The following ZMYND8 variants were observed in gnomAD, a reference collection of about 807,000 sequenced individuals.
ZMYND8 encodes zinc finger MYND-type containing 8, also known as MYND-type zinc finger-containing chromatin reader ZMYND8.
Under a neutral mutation model 140.8 loss-of-function variants are expected in ZMYND8, and 37 were observed. The observed-to-expected ratio is 0.26, with a 90% CI of 0.20 to 0.35. ZMYND8 has a LOEUF of 0.35. Among genes scored for constraint, ZMYND8 ranks in the 10% least tolerant of loss-of-function variants. ZMYND8 has a pLI of 1.00. For synonymous variants in ZMYND8, 592 were observed against 597.1 expected (o/e 0.99, Z 0.12); for missense variants, 1,068 against 1,570.0 (o/e 0.68, Z 5.40).
chr20:47,327,555 C>G (rs534944694), intron 2 of ZMYND8, among the ~76,000 whole-genome samples: 1 of 151,962 alleles, frequency 6.6e-6, no homozygotes, highest in Admixed American at 6.5e-5. Context: ...ACTTGGGAGG[C>G]TGAGGCAGGA....
chr20:47,311,200 G>A (rs896726385), intron 2 of ZMYND8, among the ~76,000 whole-genome samples: 12 of 152,092 alleles, frequency 7.9e-5, no homozygotes, highest in African/African-American at 1.7e-4. Flanking sequence ...TCTGGGCCTC[G>A]TGTTTGAGAC....
In ZMYND8 at chr20:47,332,541, C is replaced by T. The variant is rs542254696; in HGVS notation, c.85+15315G>A. Among the ~76,000 whole-genome samples, 4 of 151,800 alleles carry T rather than the reference C, an allele frequency of 2.6e-5. No individual in the cohort carries two copies. In the Middle Eastern group the frequency reaches 0.01, roughly 387 times the overall value. Reference sequence around the variant, plus strand: ...CCTGGGCAACATAGCAAGACTCTGTCGCTACAAAAAATTAAAGAATTAGTC... The same window carrying T: ...CCTGGGCAACATAGCAAGACTCTGTTGCTACAAAAAATTAAAGAATTAGTC... On this transcript the variant is annotated intron_variant, in intron 2 of 22. Coordinates refer to ENST00000471951, the MANE Select transcript of ZMYND8 (RefSeq NM_001281775.3).
chr20:47,323,821 T>C (rs1378763680), intron 2 of ZMYND8, among the ~76,000 whole-genome samples: 2 of 152,154 alleles, frequency 1.3e-5, no homozygotes, highest in Non-Finnish European at 2.9e-5. Flanking sequence ...AGAGAGCTGG[T>C]CCTGGCTCAC....
intron 2 of ZMYND8, among the ~76,000 whole-genome samples, chr20:47,326,247 C>G (rs1411009638): frequency 1.3e-5 from 2 of 152,178 alleles, no homozygotes; most frequent in Admixed American, 6.5e-5. Context: ...CATGAGCCAC[C>G]ACATCCAGCC....
chr20:47,254,011 T>C lies in ZMYND8; in HGVS notation c.1622-4572A>G, dbSNP rs147471864. Among the ~76,000 whole-genome samples the C allele has an allele frequency of 5.3e-5, 8 of 152,332 alleles. 1 individual carries two copies. In the East Asian group the frequency reaches 1.5e-3, roughly 29 times the overall value. ...AGGAGTTTAGCCGAATGTAATGATC[T>C]TTATCCAAACCTGCAGCTGCATTTG... On this transcript the variant is annotated intron_variant, in intron 12 of 22. Transcript: ENST00000471951.
chr20:47,336,813 T>C (rs2081419456), intron 2 of ZMYND8, among the ~76,000 whole-genome samples: 1 of 152,190 alleles, frequency 6.6e-6, no homozygotes, highest in South Asian at 2.1e-4. Context: ...CCACAGCGGA[T>C]GAGCCATATT....
intron 12 of ZMYND8, among the ~76,000 whole-genome samples, chr20:47,255,016 C>T (rs1286330356): frequency 1.3e-5 from 2 of 152,196 alleles, no homozygotes; most frequent in Admixed American, 1.3e-4. Flanking sequence ...TAGTGGCGCG[C>T]GCCTGTAATC....
chr20:47,245,957 G>A, intron 14 of ZMYND8, 51 bp downstream of exon 14: 3 of 1,534,534 alleles, frequency 2.0e-6, no homozygotes, highest in African/African-American at 1.4e-5. Context: ...AGTGTACGAG[G>A]TAGGATTCTA....
intron 2 of ZMYND8, among the ~76,000 whole-genome samples, chr20:47,344,017 T>C (rs1234574319): frequency 2.8e-5 from 4 of 145,172 alleles, no homozygotes; most frequent in Non-Finnish European, 5.9e-5. Flanking sequence ...CAGACTGGAG[T>C]GCAGTGGCAT....
At chr20:47,291,708 A>G (rs1267079021) in intron 6 of ZMYND8, 88 bp downstream of exon 6, 2 of 979,130 alleles carry the variant, frequency 2.0e-6, no homozygotes, top group Non-Finnish European at 2.9e-6. Flanking sequence ...GTTATGTCCA[A>G]CTTGTGATAG....
chr20:47,252,390 G>T (rs947405214), intron 12 of ZMYND8, among the ~76,000 whole-genome samples: 1 of 151,826 alleles, frequency 6.6e-6, no homozygotes, highest in African/African-American at 2.4e-5. Flanking sequence ...GACAGCAAAG[G>T]GGGAGGGATT....
chr20:47,294,176 C>T (rs1387423815), intron 5 of ZMYND8, among the ~76,000 whole-genome samples: 2 of 149,206 alleles, frequency 1.3e-5, no homozygotes, highest in African/African-American at 4.9e-5. Flanking sequence ...GGTGAAACCC[C>T]ATCTCTACTA....
At chr20:47,251,597 A>T (rs1419073339) in intron 12 of ZMYND8, among the ~76,000 whole-genome samples, 2 of 151,568 alleles carry the variant, frequency 1.3e-5, no homozygotes, top group African/African-American at 2.4e-5. Context: ...AAAAAAAAAA[A>T]TTTACTGGAC....
At chr20:47,219,009 G>C (rs189937616) in intron 21 of ZMYND8, among the ~76,000 whole-genome samples, 2 of 149,820 alleles carry the variant, frequency 1.3e-5, no homozygotes, top group East Asian at 4.0e-4. Flanking sequence ...TTGAGGTCAA[G>C]AGATCAAGAC....
chr20:47,273,395 G>C (rs1346763496), intron 11 of ZMYND8, among the ~76,000 whole-genome samples: 2 of 151,900 alleles, frequency 1.3e-5, no homozygotes, highest in Non-Finnish European at 2.9e-5. Context: ...AAAATACAAA[G>C]AACATCTGGG....
intron 2 of ZMYND8, chr20:47,318,992 T>C (rs761296794): frequency 3.6e-5 from 48 of 1,351,460 alleles, no homozygotes; most frequent in Non-Finnish European, 4.5e-5. Context: ...GCCTAGCCTC[T>C]CTTGTTCAAA....
chr20:47,347,708 C>A, intron 2 of ZMYND8, 148 bp downstream of exon 2: 1 of 759,402 alleles, frequency 1.3e-6, no homozygotes, highest in East Asian at 2.5e-5. Context: ...CAATTAGGTT[C>A]ATCCATCAAA....
intron 14 of ZMYND8, among the ~76,000 whole-genome samples, chr20:47,240,552 AG>A (rs1297655638): frequency 1.3e-5 from 2 of 151,634 alleles, no homozygotes; most frequent in African/African-American, 4.8e-5. Context: ...AAATAAAATG[AG>A]TTTATTTTAT....
intron 21 of ZMYND8, among the ~76,000 whole-genome samples, chr20:47,217,589 C>G (rs918301824): frequency 6.7e-6 from 1 of 149,492 alleles, no homozygotes; most frequent in African/African-American, 2.4e-5. Flanking sequence ...CACCCACCCA[C>G]CTTTCAAAGC....
Sources: allele counts gnomAD v4.1 joint callset (sites outside exome capture counted in the v4.1 genomes callset), GRCh38; gene constraint gnomAD v4.1.1; transcripts MANE v1.5; gene names NCBI Gene and HGNC (gene_info 2026-07-23, HGNC 2026-07-21).